The following KCNQ1 variants were observed in gnomAD, a reference collection of about 807,000 sequenced individuals.
KCNQ1 encodes the protein potassium voltage-gated channel subfamily Q member 1, also known as potassium voltage-gated channel subfamily KQT member 1.
In KCNQ1, 49 loss-of-function variants were observed where a neutral mutation model predicts 72.4. The ratio of observed to expected loss-of-function variants is 0.68; its 90% CI spans 0.54 to 0.86. The LOEUF is 0.86. Among genes scored for constraint, KCNQ1 ranks in the 40% least tolerant of loss-of-function variants. The probability of loss-of-function intolerance (pLI) is 0.00; values close to 1 mark genes in which losing one functional copy is unlikely to be tolerated. For synonymous variants in KCNQ1, 450 were observed against 412.6 expected (o/e 1.09, Z -1.10); for missense variants, 790 against 945.1 (o/e 0.84, Z 2.15).
chr11:2,499,592 A>G (rs1310629081), intron 1 of KCNQ1, among the ~76,000 whole-genome samples: 3 of 151,322 alleles, frequency 2.0e-5, no homozygotes, highest in Admixed American at 2.0e-4. Flanking sequence ...ATAAAAATAC[A>G]CATAGACTGA....
At chr11:2,649,319 T>C in intron 10 of KCNQ1, 1 of 398,530 alleles carries the variant, frequency 2.5e-6, no homozygotes, top group Non-Finnish European at 4.4e-6. Flanking sequence ...TTTTTTGGTT[T>C]TCTGTAGTGA....
intron 11 of KCNQ1, among the ~76,000 whole-genome samples, chr11:2,709,058 T>G (rs1014352792): frequency 3.3e-5 from 5 of 152,158 alleles, no homozygotes; most frequent in Non-Finnish European, 5.9e-5. Context: ...TGGGGCTGCC[T>G]GCTCCACCGC....
intron 11 of KCNQ1, among the ~76,000 whole-genome samples, chr11:2,765,850 T>G (rs906950824): frequency 6.6e-6 from 1 of 152,214 alleles, no homozygotes; most frequent in Admixed American, 6.5e-5. Flanking sequence ...TAAAGTGGAT[T>G]TATATAGTTG....
intron 6 of KCNQ1, among the ~76,000 whole-genome samples, chr11:2,576,024 C>T (rs551084071): frequency 6.6e-6 from 1 of 152,380 alleles, no homozygotes; most frequent in South Asian, 2.1e-4. Context: ...CAGGCCCTGT[C>T]TCTCATGAGG....
intron 10 of KCNQ1, chr11:2,610,027 ATT>A (rs1848953248): frequency 2.5e-6 from 1 of 397,842 alleles, no homozygotes; most frequent in Non-Finnish European, 4.4e-6. Context: ...TATTGATATA[ATT>A]AGATTTATAT....
rs1847958448 is a variant in KCNQ1, at chr11:2,549,986, G to C, written c.478-20642G>C. Among the ~76,000 whole-genome samples the C allele has an allele frequency of 1.3e-5, 2 of 152,236 alleles. No homozygotes were observed. On this transcript the variant is annotated intron_variant, in intron 2 of 15. Transcript: ENST00000155840. The surrounding 1 kb of genome is among the most constrained non-coding windows in gnomAD (Gnocchi z 6.2). ...CAGCTCCACCTCCAGTAGACCCAGA[G>C]ACGGGGAGGCCAGGGTGCAGGGGAC...
chr11:2,780,854 C>G (rs1315042332), intron 15 of KCNQ1, among the ~76,000 whole-genome samples: 1 of 152,300 alleles, frequency 6.6e-6, no homozygotes, highest in East Asian at 1.9e-4. Flanking sequence ...CGTCACAGTC[C>G]TGCGGGCTCG....
rs77280339 is a variant in KCNQ1, at chr11:2,790,326, G to A, written c.1794+12289G>A. ...TCTACTGCTCTGGACAGCCCTGGCA[G>A]CAGTGCCCTAGCCTGGCCCAGCACC... On this transcript the variant is annotated intron_variant, in intron 15 of 15. Coordinates refer to ENST00000155840, the MANE Select transcript of KCNQ1 (RefSeq NM_000218.3). Among the ~76,000 whole-genome samples, 623 of 152,348 alleles carry A rather than the reference G, an allele frequency of 4.1e-3. 19 individuals carry two copies. The highest frequency in any genetic ancestry group is 2.9e-3 in the East Asian group (15 of 5,182).
intron 6 of KCNQ1, among the ~76,000 whole-genome samples, chr11:2,581,489 T>A (rs1299957081): frequency 6.6e-6 from 1 of 152,186 alleles, no homozygotes; most frequent in Non-Finnish European, 1.5e-5. Flanking sequence ...GACGAGGGGC[T>A]CCGGTTCCCC....
chr11:2,465,418 G>T (rs1019381834), intron 1 of KCNQ1, among the ~76,000 whole-genome samples: 3 of 152,200 alleles, frequency 2.0e-5, no homozygotes, highest in Admixed American at 2.0e-4. Context: ...ATCCTCCAAG[G>T]TCCAGCCAGC....
chr11:2,738,789 CCTT>C (rs1462379281), intron 11 of KCNQ1, among the ~76,000 whole-genome samples: 4 of 152,210 alleles, frequency 2.6e-5, no homozygotes, highest in Non-Finnish European at 5.9e-5. Context: ...GGGGGATTGT[CCTT>C]CTGCCACCTG....
rs1025601138 is a variant in KCNQ1 at position 2,687,495 on chromosome 11, C to T, written c.1514+25414C>T. The T allele has an allele frequency of 2.8e-5, 11 of 398,632 alleles. No homozygotes were observed. The highest frequency in any genetic ancestry group is 2.1e-4 in the African/African-American group (10 of 48,616). 24.7% of individuals were successfully genotyped at this position (398,632 alleles called of 1,614,324 possible). A position where few individuals can be genotyped will look rare whatever the true frequency, so the allele number is the denominator to read the frequency against. ...CATTTCAATAGGGCCATCCCAGGCA[C>T]CCTAGGACTTGAGACCAGCCTCCTC... is the stretch of plus-strand genomic sequence containing the variant. On this transcript the variant is annotated intron_variant, in intron 11 of 15. Transcript: ENST00000155840. This position sits in a 1 kb window ranked among gnomAD's most constrained non-coding sequence, Gnocchi z 5.0.
At chr11:2,533,800 C>T (rs551682717) in intron 2 of KCNQ1, among the ~76,000 whole-genome samples, 2 of 152,200 alleles carry the variant, frequency 1.3e-5, no homozygotes, top group Non-Finnish European at 1.5e-5. Flanking sequence ...CTTTTGTCTC[C>T]AGGATCACAG....
intron 1 of KCNQ1, among the ~76,000 whole-genome samples, chr11:2,520,039 T>A (rs1847354414): frequency 6.6e-6 from 1 of 152,264 alleles, no homozygotes; most frequent in Non-Finnish European, 1.5e-5. Context: ...AAAAGGGCCC[T>A]GTCGCCCCCA....
rs921159705 is a variant in KCNQ1, at chr11:2,698,804, A to T, written c.1514+36723A>T. On this transcript the variant is annotated intron_variant, in intron 11 of 15. Transcript: ENST00000155840. This position sits in a 1 kb window ranked among gnomAD's most constrained non-coding sequence, Gnocchi z 5.1. ...TTCAGGTCCCCAACTCAGACTCCCG[A>T]TCCTCTGTCCCTAATGAGGCCCTAC... 28 of 398,694 alleles carry T rather than the reference A, an allele frequency of 7.0e-5. No individual in the cohort carries two copies. Among genetic ancestry groups the T allele is most frequent in the African/African-American group, 5.8e-4 (28 of 48,690 alleles). The allele number at this position is 398,694 out of a possible 1,614,324, so 24.7% of individuals were successfully genotyped here.
rs543152943 is a variant in KCNQ1 at position 2,581,418 on chromosome 11, A to C, written c.922-2017A>C. 5.7e-4 allele frequency among the ~76,000 whole-genome samples: 87 copies of C among 152,268 alleles called. 1 individual carries two copies. The highest frequency in any genetic ancestry group is 2.0e-3 in the African/African-American group (85 of 41,554). ...CCCAGTGCACCTGGGCCCTCTGGGG[A>C]AGGTAGCGGCAGCCCAGCCTGTGCA... On this transcript the variant is annotated intron_variant, in intron 6 of 15. Coordinates refer to ENST00000155840, the MANE Select transcript of KCNQ1 (RefSeq NM_000218.3).
intron 10 of KCNQ1, among the ~76,000 whole-genome samples, chr11:2,607,154 C>T (rs11023451): frequency 0.19 from 29,200 of 151,904 alleles, 2,945 homozygotes; most frequent in South Asian, 0.31. Context: ...CCACCCGCCT[C>T]GGCCTCCCAA....
rs919679549 is a variant in KCNQ1, at chr11:2,752,907, G to T, written c.1515-15937G>T. Among the ~76,000 whole-genome samples the T allele has an allele frequency of 3.9e-5, 6 of 152,158 alleles. No homozygotes were observed. In the East Asian group the frequency reaches 1.2e-3, roughly 29 times the overall value. ...TCAGCCACCTCTCCCGAGGATCCTCGCACAATTTCACTGCCAGCCAGGAAG... is the reference window on the plus strand; with the variant it reads ...TCAGCCACCTCTCCCGAGGATCCTCTCACAATTTCACTGCCAGCCAGGAAG... On this transcript the variant is annotated intron_variant, in intron 11 of 15. Transcript: ENST00000155840. This position sits in a 1 kb window ranked among gnomAD's most constrained non-coding sequence, Gnocchi z 5.2.
Position 2,617,886 on chromosome 11 carries a change from T to A in KCNQ1, c.1393+29032T>A. On this transcript the variant is annotated intron_variant, in intron 10 of 15. Transcript: ENST00000155840. This position sits in a 1 kb window ranked among gnomAD's most constrained non-coding sequence, Gnocchi z 4.6. The stretch of plus-strand genomic sequence containing the variant: ...GCCCATTTTTTAATTGGGTTATCTA[T>A]TTTCTTGTTATTGAGTTGTATGCAT... The A allele has an allele frequency of 2.5e-6, 1 of 398,580 alleles. No individual in the cohort carries two copies. Among genetic ancestry groups the A allele is most frequent in the Non-Finnish European group, 4.4e-6 (1 of 226,044 alleles). The allele number at this position is 398,580 out of a possible 1,614,324, so 24.7% of individuals were successfully genotyped here.
Sources: gnomAD v4.1 joint callset for allele counts (sites outside exome capture counted in the v4.1 genomes callset) on GRCh38, gnomAD v4.1.1 for gene constraint, Gnocchi (gnomAD v3.1) non-coding constraint, MANE v1.5 for transcripts, NCBI Gene and HGNC (gene_info 2026-07-23, HGNC 2026-07-21) for gene names.